CYP2C8: variants seen among roughly 807,000 people sequenced by gnomAD.
CYP2C8 encodes cytochrome P450 2C8.
Under a neutral mutation model 41.3 loss-of-function variants are expected in CYP2C8, and 51 were observed. The ratio of observed to expected loss-of-function variants is 1.24; its 90% confidence interval spans 0.99 to 1.56. The LOEUF is 1.56. Ranked by LOEUF, CYP2C8 falls within the 40% of genes most tolerant of loss-of-function variation. The pLI is 0.00. For synonymous variants in CYP2C8, 218 were observed against 205.8 expected (o/e 1.06, Z -0.51); for missense variants, 651 against 579.9 (o/e 1.12, Z -1.26).
intron 7 of CYP2C8, chr10:95,040,986 A>T: frequency 2.2e-6 from 1 of 456,292 alleles, no homozygotes; most frequent in South Asian, 1.5e-5. Context: ...TGAGGAAGAA[A>T]AATTGCAGAC....
At chr10:95,062,382 T>C (rs957475470) in intron 4 of CYP2C8, among the ~76,000 whole-genome samples, 15 of 152,230 alleles carry the variant, frequency 9.9e-5, no homozygotes, top group African/African-American at 3.4e-4. Context: ...TTGATCCCTT[T>C]ACCATTATGT....
At chr10:95,045,045 G>C (rs1241532561) in intron 6 of CYP2C8, among the ~76,000 whole-genome samples, 1 of 152,046 alleles carries the variant, frequency 6.6e-6, no homozygotes, top group Non-Finnish European at 1.5e-5. Context: ...TTGTAATTTA[G>C]TTATTGAAAT....
intron 5 of CYP2C8, among the ~76,000 whole-genome samples, chr10:95,054,696 T>G (rs2134423958): frequency 6.6e-6 from 1 of 152,300 alleles, no homozygotes; most frequent in Admixed American, 6.5e-5. Context: ...AGCTGATAAA[T>G]GTTTTCAGCT....
chr10:95,041,918 A>G lies in CYP2C8; in HGVS notation c.1149+972T>C, dbSNP rs1254118611. 4.6e-5 allele frequency among the ~76,000 whole-genome samples: 7 copies of G among 152,226 alleles called. No individual in the cohort carries two copies. The East Asian group carries it at 1.2e-3, about 25-fold the overall frequency. ...CAGGAGTCTGATCACTTGGAATGACATGAGCCTTCTGGGGGCTGGGATTTT... is the reference window on the plus strand; with the variant it reads ...CAGGAGTCTGATCACTTGGAATGACGTGAGCCTTCTGGGGGCTGGGATTTT... On this transcript the variant is annotated intron_variant, in intron 7 of 8. Transcript: ENST00000371270.
At position 95,036,894 on chromosome 10, in the gene CYP2C8, A is replaced by G; in HGVS notation, c.*234T>C. On this transcript the variant is annotated 3_prime_UTR_variant, in exon 9 of 9. Coordinates refer to ENST00000371270, the MANE Select transcript of CYP2C8 (RefSeq NM_000770.3). ...TAACATATTAAAAAGTCAGCATTAG[A>G]AAAGTATTAGCATATGCAGCAATTA... The G allele has an allele frequency of 1.8e-6, 1 of 547,306 alleles. No individual in the cohort carries two copies. Among genetic ancestry groups the G allele is most frequent in the South Asian group, 2.1e-5 (1 of 46,892 alleles). The allele number at this position is 547,306 out of a possible 1,614,324, so 33.9% of individuals were successfully genotyped here. A position where few individuals can be genotyped will look rare whatever the true frequency, so the allele number is the denominator to read the frequency against.
At chr10:95,062,158 G>A (rs144791249) in intron 4 of CYP2C8, among the ~76,000 whole-genome samples, 6,713 of 152,130 alleles carry the variant, frequency 0.044, 466 homozygotes, top group African/African-American at 0.15. Context: ...TATTAGGTCC[G>A]CTTGGTGCAG....
At chr10:95,056,355 T>G (rs1035990936) in intron 5 of CYP2C8, among the ~76,000 whole-genome samples, 2 of 152,060 alleles carry the variant, frequency 1.3e-5, no homozygotes, top group African/African-American at 4.8e-5. Flanking sequence ...CTCAAAAAGT[T>G]AAACATAAAA....
intron 7 of CYP2C8, among the ~76,000 whole-genome samples, chr10:95,039,622 T>C (rs1435149471): frequency 2.0e-5 from 3 of 152,288 alleles, no homozygotes; most frequent in East Asian, 1.9e-4. Flanking sequence ...GTCAGGATCA[T>C]CAGGTCAGGT....
chr10:95,065,520 G>A (rs1170971443), intron 3 of CYP2C8, among the ~76,000 whole-genome samples: 1 of 152,142 alleles, frequency 6.6e-6, no homozygotes, highest in Non-Finnish European at 1.5e-5. Flanking sequence ...AAGTATAACA[G>A]ATTTGTTTAT....
intron 1 of CYP2C8, among the ~76,000 whole-genome samples, 178 bp from the exon 2 acceptor site, chr10:95,067,869 G>C (rs1460323375): frequency 6.6e-6 from 1 of 152,158 alleles, no homozygotes. Context: ...GCCACTTATA[G>C]ATGGCCTGTG....
chr10:95,061,282 TG>T (rs1209387172), intron 4 of CYP2C8, among the ~76,000 whole-genome samples: 2 of 152,190 alleles, frequency 1.3e-5, no homozygotes, highest in South Asian at 2.1e-4. Flanking sequence ...GGACTTTTTT[TG>T]GTTGGTAAGC....
At chr10:95,045,368 C>T (rs1225843159) in intron 6 of CYP2C8, among the ~76,000 whole-genome samples, 3 of 152,180 alleles carry the variant, frequency 2.0e-5, no homozygotes, top group African/African-American at 7.2e-5. Flanking sequence ...GTCAGGATGC[C>T]TCAGTACAAT....
At chr10:95,068,556 A>G in intron 1 of CYP2C8, 2 of 1,267,794 alleles carry the variant, frequency 1.6e-6, no homozygotes, top group Non-Finnish European at 1.0e-6. Context: ...CTACTATAGT[A>G]GAGAACTTAT....
At chr10:95,060,291 C>A (rs145068853) in intron 4 of CYP2C8, among the ~76,000 whole-genome samples, 3,203 of 152,192 alleles carry the variant, frequency 0.021, 130 homozygotes, top group African/African-American at 0.071. Flanking sequence ...AATGTTCTTC[C>A]ATTTGTTTGT....
chr10:95,051,122 T>A (rs1319615925), intron 5 of CYP2C8, among the ~76,000 whole-genome samples: 1 of 152,192 alleles, frequency 6.6e-6, no homozygotes, highest in Non-Finnish European at 1.5e-5. Context: ...TTCACAATTC[T>A]ATCAGATAAA....
chr10:95,069,215 G>A lies in CYP2C8; in HGVS notation c.168+20C>T, dbSNP rs1268704034. 1 of 1,613,938 alleles carries A rather than the reference G, an allele frequency of 6.2e-7. No individual in the cohort carries two copies. The highest frequency in any genetic ancestry group is 8.5e-7 in the Non-Finnish European group (1 of 1,179,834). Reference sequence around the variant, plus strand: ...AACTTACCCTTTGCAATTGGCTGGAGGAACATAAGGCAGACTTACATTGGT... The same window carrying A: ...AACTTACCCTTTGCAATTGGCTGGAAGAACATAAGGCAGACTTACATTGGT... On this transcript the variant is annotated intron_variant, in intron 1 of 8. Coordinates refer to ENST00000371270, the MANE Select transcript of CYP2C8 (RefSeq NM_000770.3).
At chr10:95,068,092 T>G (rs951592347) in intron 1 of CYP2C8, among the ~76,000 whole-genome samples, 1 of 151,798 alleles carries the variant, frequency 6.6e-6, no homozygotes, top group African/African-American at 2.4e-5. Flanking sequence ...AATTAATCAA[T>G]CCCCCATGTC....
At chr10:95,048,400 C>T (rs797019498) in intron 5 of CYP2C8, among the ~76,000 whole-genome samples, 28 of 152,274 alleles carry the variant, frequency 1.8e-4, no homozygotes, top group African/African-American at 6.5e-4. Context: ...TAACTGTCCT[C>T]TGGTCTCCTA....
chr10:95,055,787 C>G (rs11572117), intron 5 of CYP2C8, among the ~76,000 whole-genome samples: 1 of 151,930 alleles, frequency 6.6e-6, no homozygotes, highest in Non-Finnish European at 1.5e-5. Flanking sequence ...GACAAGCAAC[C>G]CAGTATAGAA....
Sources: allele counts gnomAD v4.1 joint callset (sites outside exome capture counted in the v4.1 genomes callset), GRCh38; gene constraint gnomAD v4.1.1; transcripts MANE v1.5; gene names NCBI Gene and HGNC (gene_info 2026-07-23, HGNC 2026-07-21).